Variants in KCTD16 observed in about 807,000 individuals in gnomAD.
The protein encoded by KCTD16 is BTB/POZ domain-containing protein KCTD16.
Under a neutral mutation model 33.2 loss-of-function variants are expected in KCTD16, and 13 were observed. The ratio of observed to expected loss-of-function variants is 0.39; its 90% CI spans 0.25 to 0.62. The LOEUF is 0.62. Ranked by LOEUF, KCTD16 falls within the 20% of genes least tolerant of loss-of-function variation. The pLI is 0.50. For missense variants in KCTD16, 441 were observed against 525.1 expected, an observed-to-expected ratio of 0.84 and a Z score of 1.57; for synonymous variants, 197 against 195.3, an observed-to-expected ratio of 1.01 and a Z score of -0.07.
intron 3 of KCTD16, among the ~76,000 whole-genome samples, chr5:144,403,759 C>A (rs1752755382): frequency 6.6e-6 from 1 of 152,176 alleles, no homozygotes; most frequent in Non-Finnish European, 1.5e-5. Context: ...TGTCAGTGTA[C>A]CTGCCACACA....
chr5:144,230,417 G>A (rs1004862852), intron 3 of KCTD16, among the ~76,000 whole-genome samples: 1 of 152,150 alleles, frequency 6.6e-6, no homozygotes, highest in Non-Finnish European at 1.5e-5. Flanking sequence ...AGACAAAGAT[G>A]GAAATCTTTA....
chr5:144,366,514 G>A (rs757327313), intron 3 of KCTD16, among the ~76,000 whole-genome samples: 73 of 152,050 alleles, frequency 4.8e-4, no homozygotes, highest in African/African-American at 1.6e-3. Flanking sequence ...AAGGAGTTTG[G>A]AATTCCAAAA....
Position 144,212,223 on chromosome 5 carries a change from A to T in KCTD16, c.832+4677A>T, listed in dbSNP as rs539477911. ...GCATAATTTTTCTTATTTCTTTAAG[A>T]TGCTGTGCACTGAGAATTGGGCTTA... On this transcript the variant is annotated intron_variant, in intron 3 of 3. Coordinates refer to ENST00000512467, the MANE Select transcript of KCTD16 (RefSeq NM_020768.4). Among the ~76,000 whole-genome samples the T allele has an allele frequency of 3.7e-4, 56 of 152,304 alleles. 1 individual carries two copies. The highest frequency in any genetic ancestry group is 1.2e-3 in the African/African-American group (51 of 41,572).
rs577287354 is a variant in KCTD16 at position 144,233,215 on chromosome 5, AG to A, written c.832+25672del. Among the ~76,000 whole-genome samples, 529 of 152,280 alleles carry A rather than the reference AG, an allele frequency of 3.5e-3. 4 individuals are homozygous for A. Among genetic ancestry groups the A allele is most frequent in the African/African-American group, 0.012 (505 of 41,564 alleles). Reference sequence around the variant, plus strand: ...GCCACATCAACTGTTAAATAAAAAAAGGGTCTTCCATCATAAGTTAACTTTT... The same window carrying A: ...GCCACATCAACTGTTAAATAAAAAAAGGTCTTCCATCATAAGTTAACTTTT... On this transcript the variant is annotated intron_variant, in intron 3 of 3. Transcript: ENST00000512467.
intron 3 of KCTD16, among the ~76,000 whole-genome samples, chr5:144,282,477 A>G (rs1755632511): frequency 6.6e-6 from 1 of 152,184 alleles, no homozygotes; most frequent in South Asian, 2.1e-4. Context: ...CTAGCATATT[A>G]ATCATATCCA....
At chr5:144,190,409 A>T (rs1752817856) in intron 2 of KCTD16, among the ~76,000 whole-genome samples, 1 of 152,160 alleles carries the variant, frequency 6.6e-6, no homozygotes, top group African/African-American at 2.4e-5. Flanking sequence ...TCTCTTTCTT[A>T]CGATGCCTCA....
intron 3 of KCTD16, among the ~76,000 whole-genome samples, chr5:144,437,443 T>C (rs1753603855): frequency 6.6e-6 from 1 of 152,186 alleles, no homozygotes; most frequent in African/African-American, 2.4e-5. Context: ...TTGTTCTTCA[T>C]AGATAAATGA....
intron 3 of KCTD16, among the ~76,000 whole-genome samples, chr5:144,471,685 T>C (rs1426692256): frequency 6.6e-6 from 1 of 152,220 alleles, no homozygotes; most frequent in Non-Finnish European, 1.5e-5. Flanking sequence ...ATTACTGATA[T>C]TTTCAGTCAC....
At chr5:144,432,366 C>G (rs544334265) in intron 3 of KCTD16, among the ~76,000 whole-genome samples, 58 of 151,934 alleles carry the variant, frequency 3.8e-4, no homozygotes, top group Non-Finnish European at 7.2e-4. Flanking sequence ...ATTATTATAC[C>G]CATTTTATAG....
intron 3 of KCTD16, among the ~76,000 whole-genome samples, chr5:144,317,501 A>G (rs1341206707): frequency 6.6e-6 from 1 of 152,196 alleles, no homozygotes; most frequent in Non-Finnish European, 1.5e-5. Context: ...TTTGTGAACC[A>G]TTGGTCAACC....
intron 3 of KCTD16, among the ~76,000 whole-genome samples, chr5:144,378,041 A>G (rs149826278): frequency 6.6e-6 from 1 of 152,334 alleles, no homozygotes; most frequent in East Asian, 1.9e-4. Flanking sequence ...CGTTAATTAT[A>G]AGAAAACAAA....
At chr5:144,415,027 A>AAGAAT (rs1456087138) in intron 3 of KCTD16, among the ~76,000 whole-genome samples, 2 of 152,150 alleles carry the variant, frequency 1.3e-5, no homozygotes, top group African/African-American at 4.8e-5. Flanking sequence ...GTAATTCATA[A>AAGAAT]AGAATAGAAA....
At chr5:144,334,294 G>C (rs1019493628) in intron 3 of KCTD16, among the ~76,000 whole-genome samples, 2 of 152,174 alleles carry the variant, frequency 1.3e-5, no homozygotes, top group Admixed American at 6.6e-5. Flanking sequence ...TGGTGGGGTA[G>C]ATATATTAGT....
chr5:144,448,197 A>C (rs1753863361), intron 3 of KCTD16, among the ~76,000 whole-genome samples: 1 of 152,076 alleles, frequency 6.6e-6, no homozygotes, highest in Non-Finnish European at 1.5e-5. Context: ...CTTGCCTCCA[A>C]ATGACTATTC....
intron 3 of KCTD16, among the ~76,000 whole-genome samples, chr5:144,301,073 T>C (rs941895509): frequency 6.6e-6 from 1 of 151,984 alleles, no homozygotes; most frequent in East Asian, 1.9e-4. Flanking sequence ...AAACCCCGTC[T>C]CTACTAAAAA....
chr5:144,408,397 T>G (rs771360856), intron 3 of KCTD16, among the ~76,000 whole-genome samples: 3 of 152,234 alleles, frequency 2.0e-5, no homozygotes, highest in African/African-American at 7.2e-5. Flanking sequence ...TAAGCACTTA[T>G]GCACAGTCAG....
chr5:144,360,197 C>G (rs529900110), intron 3 of KCTD16, among the ~76,000 whole-genome samples: 1 of 152,100 alleles, frequency 6.6e-6, no homozygotes, highest in East Asian at 1.9e-4. Flanking sequence ...CACCCATCAA[C>G]CCATCATCTA....
chr5:144,466,505 G>C (rs1202719204), intron 3 of KCTD16, among the ~76,000 whole-genome samples: 6 of 151,992 alleles, frequency 3.9e-5, no homozygotes, highest in African/African-American at 1.2e-4. Flanking sequence ...CAAATAGCTG[G>C]TTACTTTTAG....
At chr5:144,340,401 C>CAAA (rs1208475292) in intron 3 of KCTD16, among the ~76,000 whole-genome samples, 19 of 48,126 alleles carry the variant, frequency 3.9e-4, no homozygotes, top group South Asian at 7.9e-4. Context: ...GACTCCATCT[C>CAAA]AAAAAAAAAA....
Sources: allele counts gnomAD v4.1 joint callset (sites outside exome capture counted in the v4.1 genomes callset), GRCh38; gene constraint gnomAD v4.1.1; transcripts MANE v1.5; gene names NCBI Gene and HGNC (gene_info 2026-07-23, HGNC 2026-07-21).